Variants in PRKCZ observed in about 807,000 individuals in gnomAD.
PRKCZ encodes protein kinase C zeta type.
A neutral mutation model predicts 79.5 loss-of-function variants in PRKCZ; 33 were observed. The ratio of observed to expected loss-of-function variants is 0.41; its 90% CI spans 0.31 to 0.55. PRKCZ has a LOEUF of 0.55. Ranked by LOEUF, PRKCZ falls within the 20% of genes least tolerant of loss-of-function variation. PRKCZ has a pLI of 0.19. For missense variants in PRKCZ, 578 were observed against 813.5 expected (o/e 0.71, Z 3.52); for synonymous variants, 342 against 320.9 (o/e 1.07, Z -0.70).
chr1:2,118,800 A>G (rs1323447893), intron 4 of PRKCZ, among the ~76,000 whole-genome samples: 5 of 144,604 alleles, frequency 3.5e-5, no homozygotes, highest in African/African-American at 1.0e-4. Flanking sequence ...TATATGCTCT[A>G]TTTTTTCATC....
intron 4 of PRKCZ, among the ~76,000 whole-genome samples, chr1:2,066,108 G>A (rs909348586): frequency 3.3e-5 from 5 of 152,138 alleles, no homozygotes; most frequent in African/African-American, 1.2e-4. Context: ...AATTACATCT[G>A]TGTTAATAAA....
intron 10 of PRKCZ, chr1:2,169,296 C>T: frequency 1.7e-6 from 1 of 588,068 alleles, no homozygotes; most frequent in Non-Finnish European, 3.2e-6. Context: ...GCCGGCGAGG[C>T]CCCCGCATGA....
intron 5 of PRKCZ, chr1:2,143,173 T>G (rs1343559228): frequency 1.3e-5 from 2 of 151,878 alleles, no homozygotes; most frequent in African/African-American, 4.8e-5. Flanking sequence ...GGACTACAGG[T>G]GCCCGCCACC....
intron 4 of PRKCZ, among the ~76,000 whole-genome samples, chr1:2,110,199 C>T (rs1669444225): frequency 8.8e-6 from 1 of 114,002 alleles, no homozygotes; most frequent in Admixed American, 8.7e-5. Flanking sequence ...CACAGAACGG[C>T]CAGGGCTGAA....
chr1:2,147,336 A>G (rs1175963431), intron 7 of PRKCZ, among the ~76,000 whole-genome samples: 1 of 149,950 alleles, frequency 6.7e-6, no homozygotes. Flanking sequence ...TCTGTTGTCC[A>G]CTGACCTCTC....
chr1:2,055,205 G>A (rs530945678), intron 1 of PRKCZ, among the ~76,000 whole-genome samples: 1 of 151,314 alleles, frequency 6.6e-6, no homozygotes, highest in Admixed American at 6.6e-5. Context: ...GCCTCCCAAA[G>A]TGCTGGGATG....
rs114238547 is a variant in PRKCZ at position 2,169,339 on chromosome 1, G to A, written c.975-179G>A. 1,414 of 663,598 alleles carry A rather than the reference G, an allele frequency of 2.1e-3. 15 individuals carry two copies. The highest frequency in any genetic ancestry group is 0.017 in the African/African-American group (975 of 55,874). The allele number at this position is 663,598 out of a possible 1,614,324, so 41.1% of individuals were successfully genotyped here. A position where few individuals can be genotyped will look rare whatever the true frequency, so the allele number is the denominator to read the frequency against. Reference sequence around the variant, plus strand: ...ACCTGCACCCTTCACGAGCGGCCCCGCAGCCCGTCCCCACCAGCCCCTCTC... The same window carrying A: ...ACCTGCACCCTTCACGAGCGGCCCCACAGCCCGTCCCCACCAGCCCCTCTC... On this transcript the variant is annotated intron_variant, in intron 10 of 17. Coordinates refer to ENST00000378567, the MANE Select transcript of PRKCZ (RefSeq NM_002744.6).
intron 4 of PRKCZ, among the ~76,000 whole-genome samples, chr1:2,095,278 G>T (rs944218415): frequency 6.6e-6 from 1 of 152,298 alleles, no homozygotes; most frequent in African/African-American, 2.4e-5. Flanking sequence ...TGCCCTCCTG[G>T]CAGGGGCCCT....
chr1:2,137,004 G>T (rs916871596), intron 5 of PRKCZ, among the ~76,000 whole-genome samples: 2 of 152,152 alleles, frequency 1.3e-5, no homozygotes, highest in Non-Finnish European at 2.9e-5. Flanking sequence ...GAAGTCTTAC[G>T]ATAGGCCAGC....
chr1:2,152,191 C>T (rs990702389), intron 9 of PRKCZ, among the ~76,000 whole-genome samples: 5 of 152,134 alleles, frequency 3.3e-5, no homozygotes, highest in African/African-American at 1.2e-4. Context: ...AGACCTTTTT[C>T]TTTTAATTAA....
intron 4 of PRKCZ, among the ~76,000 whole-genome samples, chr1:2,104,272 C>T (rs550006471): frequency 1.2e-3 from 190 of 152,144 alleles, no homozygotes; most frequent in Middle Eastern, 3.4e-3. Context: ...CTCCAGCAGT[C>T]GAACATCAAA....
At chr1:2,086,105 A>G (rs1162900789) in intron 4 of PRKCZ, among the ~76,000 whole-genome samples, 1 of 145,724 alleles carries the variant, frequency 6.9e-6, no homozygotes, top group African/African-American at 2.6e-5. Context: ...TCTGTCGCCC[A>G]GGCTGGAATG....
intron 4 of PRKCZ, among the ~76,000 whole-genome samples, chr1:2,129,148 C>G (rs1052138825): frequency 1.3e-5 from 2 of 152,146 alleles, no homozygotes; most frequent in South Asian, 2.1e-4. Context: ...ACTGAGGGAA[C>G]CTTCTAGTCA....
intron 10 of PRKCZ, among the ~76,000 whole-genome samples, chr1:2,163,629 G>A (rs1320629575): frequency 1.3e-5 from 2 of 152,066 alleles, no homozygotes; most frequent in East Asian, 1.9e-4. Context: ...GGTGGCTCAC[G>A]CCTGTAATCC....
intron 4 of PRKCZ, chr1:2,074,371 T>C: frequency 6.7e-7 from 1 of 1,499,068 alleles, no homozygotes; most frequent in Non-Finnish European, 9.0e-7. Context: ...TCTGCCTGCC[T>C]GGCCCCAGGG....
chr1:2,183,641 A>C (rs1320448559), intron 16 of PRKCZ: 1 of 152,988 alleles, frequency 6.5e-6, no homozygotes, highest in Admixed American at 6.5e-5. Context: ...GTCCAGGGTC[A>C]TGGTGCCAGC....
At chr1:2,124,603 A>G (rs1400908295) in intron 4 of PRKCZ, among the ~76,000 whole-genome samples, 1 of 152,106 alleles carries the variant, frequency 6.6e-6, no homozygotes, top group African/African-American at 2.4e-5. Context: ...AGCCTCGGAA[A>G]CATGAGAAAG....
intron 4 of PRKCZ, among the ~76,000 whole-genome samples, chr1:2,070,320 AG>A (rs970258277): frequency 7.2e-5 from 11 of 152,078 alleles, no homozygotes; most frequent in Non-Finnish European, 1.6e-4. Flanking sequence ...CTTGTCACTT[AG>A]GGTGGTCCCG....
At chr1:2,148,576 C>T (rs1385599038) in intron 7 of PRKCZ, among the ~76,000 whole-genome samples, 1 of 152,200 alleles carries the variant, frequency 6.6e-6, no homozygotes, top group African/African-American at 2.4e-5. Context: ...CACTCCTGCC[C>T]CTACCCACCC....
Sources: gnomAD v4.1 joint callset for allele counts (sites outside exome capture counted in the v4.1 genomes callset) on GRCh38, gnomAD v4.1.1 for gene constraint, MANE v1.5 for transcripts, NCBI Gene and HGNC (gene_info 2026-07-23, HGNC 2026-07-21) for gene names.